PCDHGA3: variants seen among roughly 807,000 people sequenced by gnomAD.
PCDHGA3 encodes the protein protocadherin gamma-A3.
A neutral mutation model predicts 58.5 loss-of-function variants in PCDHGA3; 40 were observed. The observed-to-expected ratio is 0.68, with a 90% CI of 0.53 to 0.89. The LOEUF (loss-of-function observed/expected upper bound fraction) is 0.89, where lower values mean the gene tolerates loss of function less well. PCDHGA3 is among the 40% of genes least tolerant of loss of function. PCDHGA3 has a pLI of 0.00. For missense variants in PCDHGA3, 1,223 were observed against 1,195.9 expected (o/e 1.02, Z -0.33); for synonymous variants, 530 against 525.7 (o/e 1.01, Z -0.11).
chr5:141,389,343 T>TACTG, intron 1 of PCDHGA3: 1 of 1,613,992 alleles, frequency 6.2e-7, no homozygotes, highest in Non-Finnish European at 8.5e-7. Flanking sequence ...CCAAGTCTCT[T>TACTG]ACTGCATCAT....
chr5:141,482,645 G>A (rs1267966412), intron 1 of PCDHGA3, among the ~76,000 whole-genome samples: 1 of 152,120 alleles, frequency 6.6e-6, no homozygotes, highest in Admixed American at 6.5e-5. Context: ...TAGAGGTGGT[G>A]ATGCTTGAGC....
In PCDHGA3 at chr5:141,364,605, G is replaced by A. The variant is rs1380468665; in HGVS notation, c.2424+18148G>A. On this transcript the variant is annotated intron_variant, in intron 1 of 3. Coordinates refer to ENST00000253812, the MANE Select transcript of PCDHGA3 (RefSeq NM_018916.4). Reference sequence around the variant, plus strand: ...TTGGTCACCGCGGGCAGGATAGACCGGGAGGAGCTCTGCGCTCAGAGCCCA... The same window carrying A: ...TTGGTCACCGCGGGCAGGATAGACCAGGAGGAGCTCTGCGCTCAGAGCCCA... 6 of 1,614,186 alleles carry A rather than the reference G, an allele frequency of 3.7e-6. No individual in the cohort carries two copies. Among genetic ancestry groups the A allele is most frequent in the Middle Eastern group, 1.6e-4 (1 of 6,062 alleles).
intron 1 of PCDHGA3, chr5:141,382,748 C>T (rs753044238): frequency 2.3e-5 from 14 of 606,870 alleles, no homozygotes; most frequent in Non-Finnish European, 3.6e-5. Context: ...CGACAGATTG[C>T]GATAAGCCCT....
chr5:141,390,591 T>G, intron 1 of PCDHGA3: 1 of 333,500 alleles, frequency 3.0e-6, no homozygotes, highest in Non-Finnish European at 5.4e-6. Flanking sequence ...TGAATGAGAT[T>G]TTTCCTATAC....
At chr5:141,373,374 A>C (rs548052832) in intron 1 of PCDHGA3, among the ~76,000 whole-genome samples, 1 of 152,352 alleles carries the variant, frequency 6.6e-6, no homozygotes, top group African/African-American at 2.4e-5. Flanking sequence ...GAATTGGTTC[A>C]AAATGTGTTT....
At chr5:141,404,248 G>C (rs1404333144) in intron 1 of PCDHGA3, 10 of 1,613,694 alleles carry the variant, frequency 6.2e-6, no homozygotes, top group South Asian at 1.1e-5. Context: ...CTCCGCCCCT[G>C]TCCACAGAAA....
rs780578882 is a variant in PCDHGA3 at position 141,486,578 on chromosome 5, C to T, written c.2425-8229C>T. On this transcript the variant is annotated intron_variant, in intron 1 of 3. Coordinates refer to ENST00000253812, the MANE Select transcript of PCDHGA3 (RefSeq NM_018916.4). This position sits in a 1 kb window ranked among gnomAD's most constrained non-coding sequence, Gnocchi z 5.0. ...TGAGGTGTTTGTTCCTGAGAACAAT[C>T]GCCCAGGGGACCTGCTTTGCTCCCT... 1.6e-5 allele frequency: 26 copies of T among 1,613,728 alleles called. No homozygotes were observed. The highest frequency in any genetic ancestry group is 2.2e-5 in the South Asian group (2 of 91,072).
chr5:141,371,546 C>T, intron 1 of PCDHGA3: 1 of 1,613,690 alleles, frequency 6.2e-7, no homozygotes, highest in Non-Finnish European at 8.5e-7. Flanking sequence ...AAATCCTATG[C>T]CAACTAAAAG....
intron 1 of PCDHGA3, chr5:141,356,347 A>C (rs1480466141): frequency 7.7e-6 from 12 of 1,555,580 alleles, no homozygotes; most frequent in Admixed American, 2.0e-5. Context: ...TGGCCTAGTC[A>C]CATGTTCTAT....
intron 1 of PCDHGA3, chr5:141,365,066 G>A (rs1763717164): frequency 2.5e-6 from 4 of 1,613,774 alleles, no homozygotes; most frequent in African/African-American, 1.3e-5. Flanking sequence ...CACCCCATCC[G>A]AGTACAGCGT....
At chr5:141,399,464 C>T (rs747827208) in intron 1 of PCDHGA3, 4 of 1,614,018 alleles carry the variant, frequency 2.5e-6, no homozygotes, top group South Asian at 1.1e-5. Flanking sequence ...GATAACGCTC[C>T]GGTTTTCCAC....
At position 141,477,965 on chromosome 5, in the gene PCDHGA3, A is replaced by G. The variant is rs1415974296; in HGVS notation, c.2425-16842A>G. On this transcript the variant is annotated intron_variant, in intron 1 of 3. Coordinates refer to ENST00000253812, the MANE Select transcript of PCDHGA3 (RefSeq NM_018916.4). This position sits in a 1 kb window ranked among gnomAD's most constrained non-coding sequence, Gnocchi z 4.9. ...CAGTCTCTTGGGATCCCCTAACCAGAGCCTTTTTGCCATAGGGCTGCACAC... is the reference window on the plus strand; with the variant it reads ...CAGTCTCTTGGGATCCCCTAACCAGGGCCTTTTTGCCATAGGGCTGCACAC... 4 of 1,614,030 alleles carry G rather than the reference A, an allele frequency of 2.5e-6. No individual in the cohort carries two copies. In the Middle Eastern group the frequency reaches 4.9e-4, roughly 200 times the overall value.
chr5:141,351,717 C>G (rs1561501095), intron 1 of PCDHGA3: 5 of 1,613,854 alleles, frequency 3.1e-6, no homozygotes, highest in Non-Finnish European at 4.2e-6. Context: ...GTCTCCTACT[C>G]TATTCTGGCC....
In PCDHGA3 at chr5:141,344,597, G is replaced by A. The variant is rs199666918; in HGVS notation, c.564G>A (p.Gly188=). 1.6e-3 allele frequency: 2,632 copies of A among 1,613,928 alleles called. 4 individuals are homozygous for A. Among genetic ancestry groups the A allele is most frequent in the Non-Finnish European group, 2.1e-3 (2,433 of 1,179,880 alleles). ...FSLAVNSVSE[G]AKYPELVLER... is the part of the protein sequence containing the mutation. ...TGGCTGTGAATAGCGTCTCTGAGGG[G>A]GCCAAGTATCCAGAGCTGGTGCTGG... The change falls in exon 1 of 4, where the codon GGG becomes GGA. Residue 188 remains glycine, a synonymous_variant. Coordinates refer to ENST00000253812, the MANE Select transcript of PCDHGA3 (RefSeq NM_018916.4).
chr5:141,499,682 C>T, intron 2 of PCDHGA3, among the ~76,000 whole-genome samples: 1 of 148,196 alleles, frequency 6.7e-6, no homozygotes, highest in South Asian at 2.1e-4. Flanking sequence ...CCATCTTTAA[C>T]AGATGACTTT....
intron 1 of PCDHGA3, among the ~76,000 whole-genome samples, chr5:141,380,852 C>T (rs1429709070): frequency 1.3e-5 from 2 of 152,300 alleles, no homozygotes; most frequent in African/African-American, 4.8e-5. Flanking sequence ...TGGATCAAGA[C>T]ATTGAGAGCT....
At chr5:141,420,725 C>T (rs1468308275) in intron 1 of PCDHGA3, among the ~76,000 whole-genome samples, 1 of 152,188 alleles carries the variant, frequency 6.6e-6, no homozygotes, top group African/African-American at 2.4e-5. Flanking sequence ...TCCTTTCAGT[C>T]GGTTAAAATC....
chr5:141,417,387 G>GA (rs1356605500), intron 1 of PCDHGA3: 1 of 154,090 alleles, frequency 6.5e-6, no homozygotes, highest in Non-Finnish European at 1.4e-5. Context: ...AAATTTTGAA[G>GA]AAAAAATATT....
intron 1 of PCDHGA3, among the ~76,000 whole-genome samples, chr5:141,459,968 C>T (rs1260233942): frequency 1.3e-5 from 2 of 152,190 alleles, no homozygotes; most frequent in East Asian, 3.8e-4. Context: ...ATCCCAGCTA[C>T]TCAGGAGGCT....
Sources: gnomAD v4.1 joint callset for allele counts (sites outside exome capture counted in the v4.1 genomes callset) on GRCh38, gnomAD v4.1.1 for gene constraint, Gnocchi (gnomAD v3.1) non-coding constraint, MANE v1.5 for transcripts, NCBI Gene and HGNC (gene_info 2026-07-23, HGNC 2026-07-21) for gene names.